FMN2: variants seen among roughly 807,000 people sequenced by gnomAD.
FMN2 encodes formin-2.
Under a neutral mutation model 142.3 loss-of-function variants are expected in FMN2, and 51 were observed. The ratio of observed to expected loss-of-function variants is 0.36; its 90% CI spans 0.29 to 0.45. The LOEUF (loss-of-function observed/expected upper bound fraction) is 0.45, where lower values mean the gene tolerates loss of function less well. FMN2 is among the 20% of genes least tolerant of loss of function. The pLI, the probability that FMN2 is intolerant of heterozygous loss-of-function variation, is 1.00. For synonymous variants in FMN2, 882 were observed against 869.8 expected (o/e 1.01, Z -0.25); for missense variants, 1,936 against 2,122.8 (o/e 0.91, Z 1.73).
In FMN2 at chr1:240,165,548, A is replaced by G. The variant is rs567012640; in HGVS notation, c.1783-12373A>G. On this transcript the variant is annotated intron_variant, in intron 2 of 17. Transcript: ENST00000319653. Reference sequence around the variant, plus strand: ...ATTTTAAAATGTGAGTCTGATAACAATCTAGGATCCCTGTGTGTCTTTTTC... The same window carrying G: ...ATTTTAAAATGTGAGTCTGATAACAGTCTAGGATCCCTGTGTGTCTTTTTC... 3.3e-5 allele frequency among the ~76,000 whole-genome samples: 5 copies of G among 152,160 alleles called. No homozygotes were observed. The South Asian group carries it at 6.2e-4, about 19-fold the overall frequency.
At chr1:240,210,358 CAG>C (rs1252883077) in intron 5 of FMN2, among the ~76,000 whole-genome samples, 4 of 152,258 alleles carry the variant, frequency 2.6e-5, no homozygotes, top group African/African-American at 9.6e-5. Context: ...CATTTAGAAA[CAG>C]GGTATTTGCC....
At chr1:240,155,496 G>T (rs1212912336) in intron 2 of FMN2, among the ~76,000 whole-genome samples, 1 of 152,060 alleles carries the variant, frequency 6.6e-6, no homozygotes, top group Non-Finnish European at 1.5e-5. Context: ...TGCCAGGTTG[G>T]TCTCAAACTC....
chr1:240,176,187 G>C (rs957551810), intron 2 of FMN2, among the ~76,000 whole-genome samples: 1 of 152,102 alleles, frequency 6.6e-6, no homozygotes, highest in African/African-American at 2.4e-5. Context: ...TGTAGTTTTA[G>C]GTCTTATGTT....
At chr1:240,104,703 T>G (rs1661537917) in intron 1 of FMN2, among the ~76,000 whole-genome samples, 1 of 152,230 alleles carries the variant, frequency 6.6e-6, no homozygotes, top group Non-Finnish European at 1.5e-5. Flanking sequence ...GAAAAAAATC[T>G]ACGAACTTTT....
rs762796460 is a variant in FMN2, at chr1:240,439,204, C to T, written c.5060+994C>T. Among the ~76,000 whole-genome samples, 92 of 142,942 alleles carry T rather than the reference C, an allele frequency of 6.4e-4. 1 individual carries two copies. Among genetic ancestry groups the T allele is most frequent in the Non-Finnish European group, 1.1e-3 (71 of 66,948 alleles). 93.8% of individuals were successfully genotyped at this position (142,942 alleles called of 152,430 possible). ...AGGAGAATCGCTTGAACCTGGGAGG[C>T]GGAGGTTGCAGTGAGCCGAGATCAT... On this transcript the variant is annotated intron_variant, in intron 16 of 17. Transcript: ENST00000319653.
At chr1:240,189,881 T>C (rs1665635107) in intron 4 of FMN2, among the ~76,000 whole-genome samples, 2 of 21,582 alleles carry the variant, frequency 9.3e-5, no homozygotes, top group Non-Finnish European at 1.9e-4. Flanking sequence ...TTTTAAGCCT[T>C]TTTTTTGGTG....
intron 1 of FMN2, among the ~76,000 whole-genome samples, chr1:240,109,168 C>T (rs939096417): frequency 2.0e-5 from 3 of 152,168 alleles, no homozygotes; most frequent in Non-Finnish European, 4.4e-5. Flanking sequence ...ACATAAAACT[C>T]AGTACAAAAC....
intron 8 of FMN2, among the ~76,000 whole-genome samples, chr1:240,299,069 T>G (rs1157533318): frequency 6.6e-6 from 1 of 151,954 alleles, no homozygotes; most frequent in East Asian, 1.9e-4. Context: ...TACCCCAGCT[T>G]CCAGGGTAGC....
At chr1:240,406,998 T>G (rs1416724597) in intron 15 of FMN2, among the ~76,000 whole-genome samples, 1 of 152,226 alleles carries the variant, frequency 6.6e-6, no homozygotes, top group Non-Finnish European at 1.5e-5. Context: ...CGTCTCATTT[T>G]TTGTTGTCTA....
intron 1 of FMN2, among the ~76,000 whole-genome samples, chr1:240,109,366 G>T (rs1207573501): frequency 1.3e-5 from 2 of 152,194 alleles, no homozygotes; most frequent in Non-Finnish European, 2.9e-5. Flanking sequence ...TCATGACAAT[G>T]ATTAGTCTTT....
intron 14 of FMN2, among the ~76,000 whole-genome samples, chr1:240,389,614 C>T (rs1572258600): frequency 6.6e-6 from 1 of 152,138 alleles, no homozygotes; most frequent in East Asian, 1.9e-4. Flanking sequence ...TGTAAAGCAA[C>T]CACATCCTGC....
At chr1:240,390,286 C>T (rs1487869461) in intron 14 of FMN2, among the ~76,000 whole-genome samples, 1 of 151,994 alleles carries the variant, frequency 6.6e-6, no homozygotes, top group Non-Finnish European at 1.5e-5. Context: ...TTTCTTATTC[C>T]AGTTTGTCTT....
intron 16 of FMN2, among the ~76,000 whole-genome samples, chr1:240,452,690 G>GA (rs1454606158): frequency 6.6e-6 from 1 of 152,088 alleles, no homozygotes; most frequent in African/African-American, 2.4e-5. Context: ...GAAAAAGGTA[G>GA]AAAAAATAGT....
Position 240,439,279 on chromosome 1 carries a change from A to AAAAAAAGAAAG in FMN2, c.5060+1072_5060+1073insAAAGAAAGAAA, listed in dbSNP as rs555074808. On this transcript the variant is annotated intron_variant, in intron 16 of 17. Coordinates refer to ENST00000319653, the MANE Select transcript of FMN2 (RefSeq NM_020066.5). Reference sequence around the variant, plus strand: ...CAGAGCAAGGCTGTCTCAAAAAAAAAAAAGAAAGAAAGAAAGAAAGAAAGA... The same window carrying AAAAAAAGAAAG: ...CAGAGCAAGGCTGTCTCAAAAAAAAAAAAAAAGAAAGAAAGAAAGAAAGAAAGAAAGAAAGA... Among the ~76,000 whole-genome samples, 8 of 124,724 alleles carry AAAAAAAGAAAG rather than the reference A, an allele frequency of 6.4e-5. 1 individual carries two copies. Among genetic ancestry groups the AAAAAAAGAAAG allele is most frequent in the Admixed American group, 8.9e-5 (1 of 11,214 alleles). 81.8% of individuals were successfully genotyped at this position (124,724 alleles called of 152,430 possible). A position where few individuals can be genotyped will look rare whatever the true frequency, so the allele number is the denominator to read the frequency against.
At chr1:240,245,575 TG>T in intron 6 of FMN2, 1 of 471,340 alleles carries the variant, frequency 2.1e-6, no homozygotes, top group Non-Finnish European at 4.4e-6. Flanking sequence ...GGTAAGTGTC[TG>T]GTTTTTTTAT....
Position 240,301,726 on chromosome 1 carries a change from T to C in FMN2, c.4215+6843T>C, listed in dbSNP as rs542200407. Among the ~76,000 whole-genome samples, 13 of 152,176 alleles carry C rather than the reference T, an allele frequency of 8.5e-5. No individual in the cohort carries two copies. The South Asian group carries it at 2.7e-3, about 32-fold the overall frequency. The stretch of plus-strand genomic sequence containing the variant: ...TCTACCTTGTCTCTGATGATAAGTC[T>C]GCCATCATTGTTACTTTGTATTAAT... On this transcript the variant is annotated intron_variant, in intron 8 of 17. Coordinates refer to ENST00000319653, the MANE Select transcript of FMN2 (RefSeq NM_020066.5).
At chr1:240,463,181 G>A (rs1425532837) in intron 16 of FMN2, among the ~76,000 whole-genome samples, 1 of 149,028 alleles carries the variant, frequency 6.7e-6, no homozygotes, top group East Asian at 1.9e-4. Context: ...TTCACACATG[G>A]AGGCCAGTCT....
At chr1:240,208,965 A>G (rs536462111) in intron 5 of FMN2, among the ~76,000 whole-genome samples, 21 of 152,298 alleles carry the variant, frequency 1.4e-4, no homozygotes, top group Admixed American at 8.5e-4. Flanking sequence ...TATAAGATGT[A>G]GGTATACCCA....
intron 8 of FMN2, among the ~76,000 whole-genome samples, chr1:240,321,153 GTT>G (rs547303909): frequency 1.4e-5 from 2 of 143,954 alleles, no homozygotes; most frequent in African/African-American, 5.1e-5. Context: ...AATTGAACTT[GTT>G]TTTTTTTTTT....
Sources: gnomAD v4.1 joint callset for allele counts (sites outside exome capture counted in the v4.1 genomes callset) on GRCh38, gnomAD v4.1.1 for gene constraint, MANE v1.5 for transcripts, NCBI Gene and HGNC (gene_info 2026-07-23, HGNC 2026-07-21) for gene names.